Variants in MLLT10 observed in about 807,000 individuals in gnomAD.
MLLT10 encodes protein AF-10.
A neutral mutation model predicts 129.1 loss-of-function variants in MLLT10; 30 were observed. The ratio of observed to expected loss-of-function variants is 0.23; its 90% CI spans 0.17 to 0.32. MLLT10 has a LOEUF of 0.32. MLLT10 is among the 10% of genes least tolerant of loss of function. The probability of loss-of-function intolerance (pLI) is 1.00; values close to 1 mark genes in which losing one functional copy is unlikely to be tolerated. For missense variants in MLLT10, 1,119 were observed against 1,268.3 expected, an observed-to-expected ratio of 0.88 and a Z score of 1.79; for synonymous variants, 490 against 446.4, an observed-to-expected ratio of 1.10 and a Z score of -1.23.
At chr10:21,636,181 C>T (rs2047443726) in intron 8 of MLLT10, among the ~76,000 whole-genome samples, 1 of 152,056 alleles carries the variant, frequency 6.6e-6, no homozygotes, top group South Asian at 2.1e-4. Flanking sequence ...AGTGCAGTGG[C>T]ATGATCATGG....
chr10:21,556,669 C>T (rs201598536), intron 3 of MLLT10: 591 of 1,611,962 alleles, frequency 3.7e-4, no homozygotes, highest in Non-Finnish European at 3.8e-4. Flanking sequence ...GTTGGTTAGC[C>T]TCATCTGAAA....
chr10:21,726,473 C>A, intron 15 of MLLT10, 118 bp downstream of exon 15: 1 of 597,548 alleles, frequency 1.7e-6, no homozygotes, highest in Non-Finnish European at 2.8e-6. Flanking sequence ...AGGATTTGTA[C>A]TTTAAAAAAA....
intron 21 of MLLT10, chr10:21,738,643 T>C (rs2058580595): frequency 2.3e-6 from 2 of 874,232 alleles, no homozygotes; most frequent in Non-Finnish European, 2.7e-6. Context: ...CTTGCATGTT[T>C]GCTAAATCCA....
intron 3 of MLLT10, chr10:21,556,610 A>G: frequency 1.9e-6 from 3 of 1,548,834 alleles, no homozygotes; most frequent in Non-Finnish European, 1.8e-6. Flanking sequence ...GTTAGTATGT[A>G]GTGAATAAGG....
intron 3 of MLLT10, among the ~76,000 whole-genome samples, chr10:21,571,278 A>G (rs747223291): frequency 5.3e-5 from 8 of 152,208 alleles, no homozygotes; most frequent in Non-Finnish European, 1.0e-4. Context: ...TTGTCATTCA[A>G]CCAAAAGTTC....
At chr10:21,640,200 TTATA>T (rs953286157) in intron 8 of MLLT10, among the ~76,000 whole-genome samples, 7 of 144,168 alleles carry the variant, frequency 4.9e-5, no homozygotes, top group African/African-American at 1.8e-4. Flanking sequence ...TATATAATAT[TTATA>T]TATTATATTA....
chr10:21,610,256 C>A (rs964178688), intron 5 of MLLT10, among the ~76,000 whole-genome samples: 32 of 152,262 alleles, frequency 2.1e-4, no homozygotes, highest in Middle Eastern at 3.4e-3. Context: ...GGATGGGGAT[C>A]TGTGAATGGG....
At chr10:21,738,837 C>T (rs2058597725) in intron 21 of MLLT10, among the ~76,000 whole-genome samples, 1 of 152,116 alleles carries the variant, frequency 6.6e-6, no homozygotes, top group African/African-American at 2.4e-5. Flanking sequence ...CCTCTTCAGC[C>T]TGAGAGTGCC....
chr10:21,693,555 A>G (rs775411302), intron 13 of MLLT10, among the ~76,000 whole-genome samples: 39 of 151,944 alleles, frequency 2.6e-4, no homozygotes, highest in Non-Finnish European at 4.6e-4. Flanking sequence ...ACAAGCACAC[A>G]CTCGTTTAAG....
At chr10:21,561,245 A>G (rs2038761199) in intron 3 of MLLT10, among the ~76,000 whole-genome samples, 1 of 151,852 alleles carries the variant, frequency 6.6e-6, no homozygotes, top group African/African-American at 2.4e-5. Flanking sequence ...TCTTTTATTT[A>G]TTTATATATT....
chr10:21,541,210 C>T (rs2035092508), intron 3 of MLLT10: 1 of 151,944 alleles, frequency 6.6e-6, no homozygotes. Flanking sequence ...TGTGTTGAGT[C>T]TCAGAACTAT....
At chr10:21,661,402 A>G (rs1482442927) in intron 9 of MLLT10, among the ~76,000 whole-genome samples, 3 of 152,164 alleles carry the variant, frequency 2.0e-5, no homozygotes, top group Non-Finnish European at 4.4e-5. Context: ...TGCAGTATCA[A>G]TTTCTATCAG....
chr10:21,635,506 C>T (rs1564548667), intron 8 of MLLT10, among the ~76,000 whole-genome samples: 1 of 151,996 alleles, frequency 6.6e-6, no homozygotes, highest in Non-Finnish European at 1.5e-5. Flanking sequence ...GCTGGGATTA[C>T]AGGTGCATGC....
chr10:21,695,061 CTTTTTTTTTTTT>C (rs71393922), intron 13 of MLLT10, among the ~76,000 whole-genome samples: 8 of 104,034 alleles, frequency 7.7e-5, no homozygotes, highest in African/African-American at 1.1e-4. Context: ...TTTCTACCTT[CTTTTTTTTTTTT>C]TTTTTTTTGT....
intron 8 of MLLT10, among the ~76,000 whole-genome samples, chr10:21,648,599 A>G (rs1181439600): frequency 6.6e-6 from 1 of 152,222 alleles, no homozygotes; most frequent in African/African-American, 2.4e-5. Flanking sequence ...CTTTGTAGGG[A>G]GAAAAACATT....
At chr10:21,590,994 G>T (rs1251234582) in intron 4 of MLLT10, among the ~76,000 whole-genome samples, 1 of 152,136 alleles carries the variant, frequency 6.6e-6, no homozygotes, top group East Asian at 1.9e-4. Flanking sequence ...TGTATATGCT[G>T]TAAGTTCCTC....
At chr10:21,581,669 A>T (rs564826659) in intron 3 of MLLT10, among the ~76,000 whole-genome samples, 1 of 152,178 alleles carries the variant, frequency 6.6e-6, no homozygotes, top group Admixed American at 6.5e-5. Context: ...TTGCGGTCTG[A>T]TGGTTTTGAA....
At chr10:21,581,136 C>T (rs977861425) in intron 3 of MLLT10, among the ~76,000 whole-genome samples, 1 of 149,940 alleles carries the variant, frequency 6.7e-6, no homozygotes, top group Non-Finnish European at 1.5e-5. Flanking sequence ...AGCTCTGCTT[C>T]CCGGGTTCAC....
rs925624054 is a variant in MLLT10 at position 21,535,133 on chromosome 10, C to T, written c.160+329C>T. 3.5e-3 allele frequency among the ~76,000 whole-genome samples: 81 copies of T among 23,216 alleles called. 1 individual carries two copies. The highest frequency in any genetic ancestry group is 0.032 in the East Asian group (36 of 1,136). 15.2% of individuals were successfully genotyped at this position (23,216 alleles called of 152,430 possible). A position where few individuals can be genotyped will look rare whatever the true frequency, so the allele number is the denominator to read the frequency against. On this transcript the variant is annotated intron_variant, in intron 2 of 22. Coordinates refer to ENST00000307729, the MANE Select transcript of MLLT10 (RefSeq NM_001195626.3). ...ATCTGGGCCGGGGTGGGGGCGGGGG[C>T]GGGGGCGGGGGCGGTGCGCGCCCTT... is the stretch of plus-strand genomic sequence containing the variant.
Sources: allele counts gnomAD v4.1 joint callset (sites outside exome capture counted in the v4.1 genomes callset), GRCh38; gene constraint gnomAD v4.1.1; transcripts MANE v1.5; gene names NCBI Gene and HGNC (gene_info 2026-07-23, HGNC 2026-07-21).